ACYP2: variants seen among roughly 807,000 people sequenced by gnomAD.
The protein encoded by ACYP2 is acylphosphatase-2.
In ACYP2, 12 loss-of-function variants were observed where a neutral mutation model predicts 11.2. The ratio of observed to expected loss-of-function variants is 1.08; its 90% CI spans 0.69 to 1.74. ACYP2 has a LOEUF of 1.74. Ranked by LOEUF, ACYP2 falls within the 40% of genes most tolerant of loss-of-function variation. The pLI is 0.00. For missense variants in ACYP2, 134 were observed against 101.9 expected, an observed-to-expected ratio of 1.31 and a Z score of -1.35; for synonymous variants, 43 against 32.2, an observed-to-expected ratio of 1.33 and a Z score of -1.13.
chr2:54,098,304 A>G (rs1040274896), intron 4 of ACYP2, among the ~76,000 whole-genome samples: 8 of 152,090 alleles, frequency 5.3e-5, no homozygotes, highest in African/African-American at 1.9e-4. Flanking sequence ...CCAGTTCATT[A>G]TTAAATTTTT....
At chr2:54,227,380 G>A (rs968560361) in intron 6 of ACYP2, among the ~76,000 whole-genome samples, 4 of 151,838 alleles carry the variant, frequency 2.6e-5, no homozygotes, top group African/African-American at 7.3e-5. Flanking sequence ...AGTGGCTCTC[G>A]CCTGTATCCC....
chr2:54,051,133 A>G (rs1369569179), intron 3 of ACYP2: 7 of 677,962 alleles, frequency 1.0e-5, no homozygotes, highest in African/African-American at 7.1e-5. Flanking sequence ...ACTGAACTCC[A>G]TAGAGACAGC....
intron 4 of ACYP2, among the ~76,000 whole-genome samples, chr2:54,072,484 C>CT (rs75035901): frequency 0.38 from 56,456 of 146,752 alleles, 11,504 homozygotes; most frequent in East Asian, 0.71. Flanking sequence ...TTCTTTCTTT[C>CT]TTTTTTCTTT....
chr2:54,008,888 C>T (rs11884699), intron 2 of ACYP2, among the ~76,000 whole-genome samples: 65,203 of 152,018 alleles, frequency 0.43, 14,283 homozygotes, highest in South Asian at 0.55. Flanking sequence ...CATGGTGGCT[C>T]ATGCCTGTAA....
At chr2:54,134,802 A>T (rs1386680177) in intron 4 of ACYP2, among the ~76,000 whole-genome samples, 1 of 152,228 alleles carries the variant, frequency 6.6e-6, no homozygotes, top group African/African-American at 2.4e-5. Flanking sequence ...GTATGCCTGA[A>T]ACTGTGGATA....
chr2:53,995,814 A>G (rs1043033429), intron 2 of ACYP2, among the ~76,000 whole-genome samples: 1 of 152,152 alleles, frequency 6.6e-6, no homozygotes, highest in South Asian at 2.1e-4. Flanking sequence ...ACATATTTCC[A>G]AAGCGTTTTT....
In ACYP2 at chr2:54,213,347, G is replaced by C. The variant is rs552438592; in HGVS notation, c.404+74599G>C. ...TCTTTATCCATTCCACCATTAATGG[G>C]CATCTAGATGGATTCCATGTCTTTG... On this transcript the variant is annotated intron_variant, in intron 6 of 6. Transcript: ENST00000607452. 2.0e-5 allele frequency among the ~76,000 whole-genome samples: 3 copies of C among 152,118 alleles called. 1 individual carries two copies. The highest frequency in any genetic ancestry group is 7.2e-5 in the African/African-American group (3 of 41,470).
At chr2:54,002,110 T>C (rs193076947) in intron 2 of ACYP2, among the ~76,000 whole-genome samples, 167 of 152,342 alleles carry the variant, frequency 1.1e-3, no homozygotes, top group African/African-American at 3.8e-3. Flanking sequence ...ACTATTATAA[T>C]ATCATACAGA....
intron 4 of ACYP2, among the ~76,000 whole-genome samples, chr2:54,120,525 ACTG>A (rs1553374971): frequency 6.6e-6 from 1 of 151,892 alleles, no homozygotes; most frequent in Non-Finnish European, 1.5e-5. Context: ...TTTTTTTTTG[ACTG>A]AGTTTTTTTA....
chr2:54,197,484 A>G (rs1684540900), intron 6 of ACYP2, among the ~76,000 whole-genome samples: 1 of 152,210 alleles, frequency 6.6e-6, no homozygotes, highest in Non-Finnish European at 1.5e-5. Flanking sequence ...GGAGAAAGCA[A>G]TACATTAGTA....
intron 4 of ACYP2, among the ~76,000 whole-genome samples, chr2:54,108,787 A>G (rs924611011): frequency 6.6e-6 from 1 of 152,176 alleles, no homozygotes; most frequent in Non-Finnish European, 1.5e-5. Context: ...CTGATGTAAT[A>G]TTAACTTTAC....
At chr2:54,009,788 C>G (rs11676433) in intron 2 of ACYP2, among the ~76,000 whole-genome samples, 1 of 152,152 alleles carries the variant, frequency 6.6e-6, no homozygotes, top group African/African-American at 2.4e-5. Flanking sequence ...AAATGGAATA[C>G]TGATACTAAC....
chr2:54,283,659 T>G (rs922606113), intron 6 of ACYP2, among the ~76,000 whole-genome samples: 1 of 152,218 alleles, frequency 6.6e-6, no homozygotes, highest in African/African-American at 2.4e-5. Flanking sequence ...AGTAAATATT[T>G]AAGTATATTT....
chr2:54,273,445 A>C (rs1046137811), intron 6 of ACYP2, among the ~76,000 whole-genome samples: 3 of 152,150 alleles, frequency 2.0e-5, no homozygotes, highest in African/African-American at 7.2e-5. Flanking sequence ...CATTGAAGTC[A>C]TTAGTTAACA....
chr2:54,066,277 C>T (rs749897755), intron 4 of ACYP2, among the ~76,000 whole-genome samples: 1 of 152,188 alleles, frequency 6.6e-6, no homozygotes, highest in Non-Finnish European at 1.5e-5. Context: ...GGATCCTCCT[C>T]TCCTCTCTCC....
At chr2:54,248,754 AT>A (rs1687074840) in intron 6 of ACYP2, among the ~76,000 whole-genome samples, 1 of 152,190 alleles carries the variant, frequency 6.6e-6, no homozygotes, top group Non-Finnish European at 1.5e-5. Context: ...AGAACTTAAA[AT>A]TGAGTGACAA....
intron 4 of ACYP2, among the ~76,000 whole-genome samples, chr2:54,083,162 C>T (rs996490031): frequency 5.3e-5 from 8 of 152,064 alleles, no homozygotes; most frequent in Non-Finnish European, 1.0e-4. Flanking sequence ...GTCATGGCAA[C>T]GGCTGCCCAT....
chr2:54,122,476 A>G (rs777105983), intron 4 of ACYP2, among the ~76,000 whole-genome samples: 2 of 152,172 alleles, frequency 1.3e-5, no homozygotes, highest in Non-Finnish European at 2.9e-5. Context: ...TGCATGTGTC[A>G]TATCAGCTTT....
At chr2:54,092,568 T>G (rs138189833) in intron 4 of ACYP2, among the ~76,000 whole-genome samples, 34 of 152,064 alleles carry the variant, frequency 2.2e-4, no homozygotes, top group African/African-American at 7.5e-4. Context: ...TAGGTGAGGG[T>G]GAGGGGAATC....
Sources: gnomAD v4.1 joint callset for allele counts (sites outside exome capture counted in the v4.1 genomes callset) on GRCh38, gnomAD v4.1.1 for gene constraint, MANE v1.5 for transcripts, NCBI Gene and HGNC (gene_info 2026-07-23, HGNC 2026-07-21) for gene names.